The following ZNF320 variants were observed in gnomAD, a reference collection of about 807,000 sequenced individuals.
ZNF320 encodes the protein zinc finger gene 320.
ZNF320 carries 2 observed loss-of-function variants against 6.8 expected under a neutral mutation model. The observed-to-expected ratio is 0.29, with a 90% CI of 0.12 to 0.93. The LOEUF (loss-of-function observed/expected upper bound fraction) is 0.93. Ranked by LOEUF, ZNF320 falls within the 40% of genes least tolerant of loss-of-function variation. ZNF320 has a pLI of 0.55. For missense variants in ZNF320, 472 were observed against 611.0 expected, an observed-to-expected ratio of 0.77 and a Z score of 2.40; for synonymous variants, 208 against 203.2, an observed-to-expected ratio of 1.02 and a Z score of -0.20.
At chr19:52,887,726 G>A (rs1468915889) in intron 5 of ZNF320, among the ~76,000 whole-genome samples, 1 of 152,084 alleles carries the variant, frequency 6.6e-6, no homozygotes, top group Non-Finnish European at 1.5e-5. Context: ...AGCTGGGATT[G>A]CAGGTGTGCA....
chr19:52,859,853 C>T (rs559938586), downstream of ZNF320, among the ~76,000 whole-genome samples: 7 of 151,728 alleles, frequency 4.6e-5, no homozygotes, highest in African/African-American at 1.4e-4. Context: ...TACACGCTAC[C>T]AGTTACAAAG....
At chr19:52,866,387 T>A (rs1010942939) in intron 5 of ZNF320, among the ~76,000 whole-genome samples, 1 of 151,590 alleles carries the variant, frequency 6.6e-6, no homozygotes, top group African/African-American at 2.4e-5. Context: ...ACCCTCCACA[T>A]ACATGTAGTG....
upstream of ZNF320, among the ~76,000 whole-genome samples, chr19:52,898,540 G>C (rs986781740): frequency 1.3e-5 from 2 of 152,200 alleles, no homozygotes; most frequent in African/African-American, 2.4e-5. Context: ...CAGGGCTAGC[G>C]GCAGACAAAA....
chr19:52,900,827 T>G (rs58580682), upstream of ZNF320, among the ~76,000 whole-genome samples: 11,297 of 152,116 alleles, frequency 0.074, 516 homozygotes, highest in East Asian at 0.21. Context: ...ACAGGATTAT[T>G]TTTATCTTCT....
chr19:52,859,864 T>C (rs1315560376), downstream of ZNF320, among the ~76,000 whole-genome samples: 4 of 152,056 alleles, frequency 2.6e-5, no homozygotes, highest in African/African-American at 9.7e-5. Context: ...AGTTACAAAG[T>C]AGGGTGTCCT....
At chr19:52,865,651 ATATGATTATACATATATAT>A in intron 5 of ZNF320, among the ~76,000 whole-genome samples, 1 of 128,728 alleles carries the variant, frequency 7.8e-6, no homozygotes, top group African/African-American at 3.0e-5. Context: ...ATATATTTAT[ATATGATTATACATATATAT>A]TATATGATTA....
intron 5 of ZNF320, among the ~76,000 whole-genome samples, chr19:52,867,947 G>A (rs2063607136): frequency 6.6e-6 from 1 of 152,180 alleles, no homozygotes; most frequent in Non-Finnish European, 1.5e-5. Flanking sequence ...GATTCAGCAT[G>A]TTGGACTGAC....
At chr19:52,900,078 A>T (rs2064566545), upstream of ZNF320, among the ~76,000 whole-genome samples, 1 of 152,164 alleles carries the variant, frequency 6.6e-6, no homozygotes, top group Non-Finnish European at 1.5e-5. Flanking sequence ...TACTGGTGCC[A>T]ATTACACAGC....
At chr19:52,890,956 G>A (rs1209339644) in intron 3 of ZNF320, among the ~76,000 whole-genome samples, 1 of 152,076 alleles carries the variant, frequency 6.6e-6, no homozygotes, top group Non-Finnish European at 1.5e-5. Flanking sequence ...TTCTAGACCA[G>A]CCTGGCCAAC....
chr19:52,887,102 C>G (rs1373390654), intron 5 of ZNF320, among the ~76,000 whole-genome samples: 1 of 152,130 alleles, frequency 6.6e-6, no homozygotes, highest in Non-Finnish European at 1.5e-5. Flanking sequence ...TCAGAGATCT[C>G]AGGATTGAAA....
chr19:52,878,240 T>TC lies in ZNF320; in HGVS notation c.*2355dup, dbSNP rs2063814402. ...CTGCCTGCCACTCTGTGCATCACTT[T>TC]CTTTTTTTTTTTTTTTTTTTTTTTT... On this transcript the variant is annotated 3_prime_UTR_variant, in exon 6 of 6. Coordinates refer to ENST00000682928, the MANE Select transcript of ZNF320 (RefSeq NM_001351774.2). 2.3e-5 allele frequency: 3 copies of TC among 132,738 alleles called. No individual in the cohort carries two copies. The highest frequency in any genetic ancestry group is 8.2e-5 in the African/African-American group (3 of 36,532). The allele number at this position is 132,738 out of a possible 1,614,324, so 8.2% of individuals were successfully genotyped here.
intron 1 of ZNF320, chr19:52,895,501 A>G (rs1057339028): frequency 6.6e-6 from 1 of 151,762 alleles, no homozygotes; most frequent in Non-Finnish European, 1.5e-5. Context: ...ATATCTTTAT[A>G]AAGTACACAT....
chr19:52,868,706 C>G (rs1030007947), intron 5 of ZNF320, among the ~76,000 whole-genome samples: 1 of 151,990 alleles, frequency 6.6e-6, no homozygotes, highest in Admixed American at 6.6e-5. Context: ...AGAAAACAAC[C>G]AGTCACAAAA....
At chr19:52,895,495 C>T (rs1421445569) in intron 1 of ZNF320, 3 of 151,212 alleles carry the variant, frequency 2.0e-5, no homozygotes, top group Non-Finnish European at 4.4e-5. Flanking sequence ...TCCTTGATAT[C>T]TTTATAAAGT....
In ZNF320 at chr19:52,866,657, G is replaced by A. The variant is rs938787061; in HGVS notation, c.224-2498C>T. Reference sequence around the variant, plus strand: ...AGGCCAAGGAGGGAGGATCACTTGAGGCCAGGAGTTTGAGACCAGCCTGGC... The same window carrying A: ...AGGCCAAGGAGGGAGGATCACTTGAAGCCAGGAGTTTGAGACCAGCCTGGC... On this transcript the variant is annotated intron_variant, in intron 5 of 5. Transcript: ENST00000673631. Among the ~76,000 whole-genome samples the A allele has an allele frequency of 2.2e-4, 33 of 152,054 alleles. 1 individual carries two copies. The highest frequency in any genetic ancestry group is 2.9e-5 in the Non-Finnish European group (2 of 68,014).
chr19:52,868,424 C>T (rs56225837), intron 5 of ZNF320, among the ~76,000 whole-genome samples: 1 of 151,328 alleles, frequency 6.6e-6, no homozygotes, highest in Non-Finnish European at 1.5e-5. Flanking sequence ...GAGAATCGCT[C>T]GAACCCCCGG....
intron 1 of ZNF320, chr19:52,894,105 G>A (rs1237820938): frequency 6.6e-6 from 1 of 152,198 alleles, no homozygotes; most frequent in Non-Finnish European, 1.5e-5. Context: ...GTGAAGAGGG[G>A]TCAGGCAAGG....
At chr19:52,859,851 A>G (rs1023768876), downstream of ZNF320, among the ~76,000 whole-genome samples, 19 of 151,804 alleles carry the variant, frequency 1.3e-4, no homozygotes, top group African/African-American at 4.4e-4. Flanking sequence ...ACTACACGCT[A>G]CCAGTTACAA....
chr19:52,887,013 A>AAAGAAAACAAAAC (rs57262460), intron 5 of ZNF320, among the ~76,000 whole-genome samples: 1 of 143,248 alleles, frequency 7.0e-6, no homozygotes, highest in African/African-American at 2.6e-5. Flanking sequence ...AAGGAAAAGA[A>AAAGAAAACAAAAC]AAAACAAAAC....
Sources: gnomAD v4.1 joint callset for allele counts (sites outside exome capture counted in the v4.1 genomes callset) on GRCh38, gnomAD v4.1.1 for gene constraint, MANE v1.5 for transcripts, NCBI Gene and HGNC (gene_info 2026-07-23, HGNC 2026-07-21) for gene names.